Variants in TLE4 observed in about 807,000 individuals in gnomAD.
TLE4 encodes TLE family member 4, transcriptional corepressor.
TLE4 carries 8 observed loss-of-function variants against 92.8 expected under a neutral mutation model. That is an observed-to-expected ratio of 0.09 (90% CI 0.05 to 0.16). The LOEUF is 0.16. Among genes scored for constraint, TLE4 ranks in the 10% least tolerant of loss-of-function variants. TLE4 has a pLI of 1.00. For missense variants in TLE4, 675 were observed against 997.6 expected (o/e 0.68, Z 4.36); for synonymous variants, 371 against 374.1 (o/e 0.99, Z 0.10).
chr9:79,681,676 G>T (rs1054235031), intron 8 of TLE4, among the ~76,000 whole-genome samples: 3 of 151,774 alleles, frequency 2.0e-5, no homozygotes, highest in African/African-American at 7.3e-5. Flanking sequence ...TGATTCTGTG[G>T]ATAACTTTTT....
intron 14 of TLE4, among the ~76,000 whole-genome samples, chr9:79,713,169 C>T (rs2073748719): frequency 6.6e-6 from 1 of 152,116 alleles, no homozygotes; most frequent in Non-Finnish European, 1.5e-5. Flanking sequence ...AGGTACTGTG[C>T]GCGTGAGAGA....
chr9:79,640,585 G>A (rs2133917882), intron 6 of TLE4, among the ~76,000 whole-genome samples: 2 of 152,086 alleles, frequency 1.3e-5, no homozygotes, highest in Middle Eastern at 6.9e-3. Flanking sequence ...CAAATTTCCA[G>A]GGTGTCCTGA....
At chr9:79,592,269 CTTCTTCT>C (rs2042878252) in intron 4 of TLE4, among the ~76,000 whole-genome samples, 1 of 138,022 alleles carries the variant, frequency 7.2e-6, no homozygotes, top group African/African-American at 2.7e-5. Flanking sequence ...CTTTCTTCTT[CTTCTTCT>C]TTTTTTTTTT....
chr9:79,709,330 C>A (rs2072618820), intron 13 of TLE4, among the ~76,000 whole-genome samples: 1 of 152,102 alleles, frequency 6.6e-6, no homozygotes, highest in South Asian at 2.1e-4. Flanking sequence ...TTGGAAACTT[C>A]AAACCTACAG....
intron 2 of TLE4, 32 bp downstream of exon 2, chr9:79,573,818 T>C (rs750518581): frequency 3.0e-5 from 45 of 1,482,838 alleles, no homozygotes; most frequent in Non-Finnish European, 3.6e-5. Flanking sequence ...GATCCTTCTG[T>C]TTGCTTAGCT....
intron 8 of TLE4, among the ~76,000 whole-genome samples, chr9:79,665,431 T>C (rs2061235758): frequency 6.6e-6 from 1 of 152,202 alleles, no homozygotes; most frequent in African/African-American, 2.4e-5. Context: ...GAATAAAATA[T>C]ATTAATGGAT....
chr9:79,713,928 A>G (rs1394912955), intron 14 of TLE4, among the ~76,000 whole-genome samples: 1 of 152,064 alleles, frequency 6.6e-6, no homozygotes, highest in African/African-American at 2.4e-5. Flanking sequence ...TAGTGGCTCA[A>G]TCTCAGCTCA....
intron 8 of TLE4, among the ~76,000 whole-genome samples, chr9:79,660,438 A>AG: frequency 6.6e-6 from 1 of 152,254 alleles, no homozygotes; most frequent in East Asian, 1.9e-4. Context: ...GTTCGGTGGT[A>AG]GGGTGATAAA....
At chr9:79,676,941 T>G (rs2063366736) in intron 8 of TLE4, among the ~76,000 whole-genome samples, 1 of 152,170 alleles carries the variant, frequency 6.6e-6, no homozygotes, top group Non-Finnish European at 1.5e-5. Context: ...TTTTAATTTC[T>G]TTCATGTGTT....
chr9:79,650,938 T>C (rs1587822279), intron 6 of TLE4, among the ~76,000 whole-genome samples: 1 of 151,690 alleles, frequency 6.6e-6, no homozygotes, highest in East Asian at 1.9e-4. Flanking sequence ...TGGAAGAAAA[T>C]AAACCTAATT....
At chr9:79,652,109 A>G (rs2059111077) in intron 6 of TLE4, among the ~76,000 whole-genome samples, 1 of 126,408 alleles carries the variant, frequency 7.9e-6, no homozygotes, top group Non-Finnish European at 1.8e-5. Flanking sequence ...TTTATTGACT[A>G]CACAGCTCAT....
intron 4 of TLE4, among the ~76,000 whole-genome samples, chr9:79,606,528 T>C (rs191728765): frequency 0.011 from 1,698 of 151,838 alleles, 38 homozygotes; most frequent in African/African-American, 0.039. Context: ...CCTCCCCCAG[T>C]CCCCCACTCC....
chr9:79,644,320 A>T (rs916108355), intron 6 of TLE4, among the ~76,000 whole-genome samples: 17 of 152,082 alleles, frequency 1.1e-4, no homozygotes, highest in African/African-American at 4.1e-4. Context: ...CTTAACTGTG[A>T]GTCAATCAAA....
intron 11 of TLE4, chr9:79,707,324 T>A: frequency 1.1e-6 from 1 of 911,900 alleles, no homozygotes. Context: ...AAAAGTAATC[T>A]CTCATTTACA....
At chr9:79,633,953 C>T (rs1396651112) in intron 6 of TLE4, among the ~76,000 whole-genome samples, 2 of 152,118 alleles carry the variant, frequency 1.3e-5, no homozygotes, top group Non-Finnish European at 2.9e-5. Context: ...ACTTTTGTTG[C>T]CTGTTCTCAA....
At chr9:79,631,618 G>A (rs972759648) in intron 6 of TLE4, among the ~76,000 whole-genome samples, 1 of 119,284 alleles carries the variant, frequency 8.4e-6, no homozygotes, top group African/African-American at 4.4e-5. Context: ...AACCTTAAAT[G>A]TGTGTGTGTG....
chr9:79,616,969 A>G (rs1485721230), intron 5 of TLE4, among the ~76,000 whole-genome samples: 1 of 152,210 alleles, frequency 6.6e-6, no homozygotes, highest in African/African-American at 2.4e-5. Flanking sequence ...AATGTGTATT[A>G]TATGTATCAA....
Position 79,718,629 on chromosome 9 carries a change from T to C in TLE4, c.1341-93T>C. 3 of 1,455,402 alleles carry C rather than the reference T, an allele frequency of 2.1e-6. No homozygotes were observed. The East Asian group carries it at 7.4e-5, about 36-fold the overall frequency. 90.2% of individuals were successfully genotyped at this position (1,455,402 alleles called of 1,614,324 possible). A position where few individuals can be genotyped will look rare whatever the true frequency, so the allele number is the denominator to read the frequency against. ...TTTGTTCGTAAATCACAAGTGGCAC[T>C]GAAGGTGTTTTATTTCTCATCTCAT... On this transcript the variant is annotated intron_variant, in intron 14 of 19. Coordinates refer to ENST00000376552, the MANE Select transcript of TLE4 (RefSeq NM_007005.6).
chr9:79,680,668 C>A (rs369187560), intron 8 of TLE4, among the ~76,000 whole-genome samples: 6 of 152,052 alleles, frequency 3.9e-5, no homozygotes, highest in Non-Finnish European at 5.9e-5. Context: ...ACTATGTTGA[C>A]TAGGAGTGGT....
Sources: gnomAD v4.1 joint callset for allele counts (sites outside exome capture counted in the v4.1 genomes callset) on GRCh38, gnomAD v4.1.1 for gene constraint, MANE v1.5 for transcripts, NCBI Gene and HGNC (gene_info 2026-07-23, HGNC 2026-07-21) for gene names.